PDE3B: variants seen among roughly 807,000 people sequenced by gnomAD.
PDE3B encodes phosphodiesterase 3B, also known as cGMP-inhibited 3',5'-cyclic phosphodiesterase 3B.
A neutral mutation model predicts 116.8 loss-of-function variants in PDE3B; 66 were observed. The ratio of observed to expected loss-of-function variants is 0.56; its 90% CI spans 0.46 to 0.69. The LOEUF (loss-of-function observed/expected upper bound fraction) is 0.69, where lower values mean the gene tolerates loss of function less well. PDE3B is among the 30% of genes least tolerant of loss of function. The pLI is 0.00. For synonymous variants in PDE3B, 595 were observed against 533.6 expected (o/e 1.12, Z -1.59); for missense variants, 1,384 against 1,368.1 (o/e 1.01, Z -0.18).
At chr11:14,823,200 A>T (rs1859577476) in intron 7 of PDE3B, among the ~76,000 whole-genome samples, 1 of 152,158 alleles carries the variant, frequency 6.6e-6, no homozygotes. Context: ...GTCCAAGGTG[A>T]CTAGGTACTG....
chr11:14,722,671 G>C (rs763459428), intron 1 of PDE3B, among the ~76,000 whole-genome samples: 1 of 152,216 alleles, frequency 6.6e-6, no homozygotes, highest in Non-Finnish European at 1.5e-5. Flanking sequence ...AGATTCTGCA[G>C]AGCTAGTTTA....
At chr11:14,838,680 G>T (rs1860136335) in intron 11 of PDE3B, among the ~76,000 whole-genome samples, 1 of 152,156 alleles carries the variant, frequency 6.6e-6, no homozygotes, top group Non-Finnish European at 1.5e-5. Context: ...GATCTTAGGG[G>T]AATAAGTATT....
intron 1 of PDE3B, among the ~76,000 whole-genome samples, chr11:14,685,445 TC>T (rs1854843857): frequency 8.2e-6 from 1 of 122,672 alleles, no homozygotes. Flanking sequence ...ATTTTTCTCA[TC>T]TTTTTTTTTT....
At chr11:14,799,848 G>A (rs1164539954) in intron 4 of PDE3B, among the ~76,000 whole-genome samples, 2 of 150,424 alleles carry the variant, frequency 1.3e-5, no homozygotes, top group Non-Finnish European at 3.0e-5. Flanking sequence ...AGGTGAGATG[G>A]GTCTCCTGAA....
intron 1 of PDE3B, among the ~76,000 whole-genome samples, chr11:14,652,589 C>T (rs1853599809): frequency 6.6e-6 from 1 of 152,074 alleles, no homozygotes; most frequent in South Asian, 2.1e-4. Context: ...TTTAAGTGTA[C>T]AGTTCAGTGG....
At chr11:14,796,177 C>T (rs538680050) in intron 4 of PDE3B, among the ~76,000 whole-genome samples, 7 of 152,208 alleles carry the variant, frequency 4.6e-5, no homozygotes, top group Non-Finnish European at 1.0e-4. Flanking sequence ...TTTCCAGCTT[C>T]ATCCATGTCC....
chr11:14,885,837 TTGA>T, the PDE3B span: 7 of 1,613,526 alleles, frequency 4.3e-6, no homozygotes, highest in Admixed American at 1.2e-4. Flanking sequence ...AAATTTCGCT[TTGA>T]TGAACAAGGC....
intron 1 of PDE3B, among the ~76,000 whole-genome samples, chr11:14,688,306 G>C (rs983252301): frequency 2.6e-5 from 4 of 152,082 alleles, no homozygotes; most frequent in African/African-American, 9.7e-5. Flanking sequence ...GGAATCTTCA[G>C]AACATCAGAG....
intron 1 of PDE3B, among the ~76,000 whole-genome samples, chr11:14,675,891 T>C (rs1448219184): frequency 6.6e-6 from 1 of 152,152 alleles, no homozygotes; most frequent in Non-Finnish European, 1.5e-5. Context: ...TTCATTTCTG[T>C]TGGGTAAATA....
chr11:14,756,993 C>A (rs567598996), intron 1 of PDE3B, among the ~76,000 whole-genome samples: 2 of 143,156 alleles, frequency 1.4e-5, no homozygotes, highest in East Asian at 4.3e-4. Context: ...TGATATTCCC[C>A]TTCCTGTGTC....
chr11:14,798,547 A>G (rs1858633149), intron 4 of PDE3B, among the ~76,000 whole-genome samples: 1 of 152,110 alleles, frequency 6.6e-6, no homozygotes, highest in South Asian at 2.1e-4. Context: ...TTCAGCTGTG[A>G]ATCTGTCTGG....
At chr11:14,725,319 CTTTCTTTCTT>C (rs1253422828) in intron 1 of PDE3B, among the ~76,000 whole-genome samples, 5 of 149,440 alleles carry the variant, frequency 3.3e-5, no homozygotes, top group South Asian at 2.1e-4. Flanking sequence ...CTCTTTCTTT[CTTTCTTTCTT>C]TTTCTTTCTT....
At position 14,778,215 on chromosome 11, in the gene PDE3B, C is replaced by T. The variant is rs548112009; in HGVS notation, c.1029+6228C>T. Among the ~76,000 whole-genome samples, 103 of 152,322 alleles carry T rather than the reference C, an allele frequency of 6.8e-4. 1 individual carries two copies. Among genetic ancestry groups the T allele is most frequent in the African/African-American group, 2.3e-3 (97 of 41,578 alleles). On this transcript the variant is annotated intron_variant, in intron 2 of 15. Transcript: ENST00000282096. ...ACCACAGCTCAAGGAGTCCTGCCGGCCTCTGTAGACTCCACCTCTGGGGGC... is the reference window on the plus strand; with the variant it reads ...ACCACAGCTCAAGGAGTCCTGCCGGTCTCTGTAGACTCCACCTCTGGGGGC...
chr11:14,663,251 C>G (rs1366985660), intron 1 of PDE3B, among the ~76,000 whole-genome samples: 2 of 152,140 alleles, frequency 1.3e-5, no homozygotes, highest in East Asian at 1.9e-4. Flanking sequence ...TACAGACAAG[C>G]AAATGCTGAG....
intron 2 of PDE3B, chr11:14,774,711 A>C (rs1397156672): frequency 6.6e-6 from 1 of 152,230 alleles, no homozygotes; most frequent in Non-Finnish European, 1.5e-5. Flanking sequence ...AATTGTGGCA[A>C]ATAATTTGAA....
rs202088348 is a variant in PDE3B, at chr11:14,867,627, A to C, written c.3008A>C (p.Tyr1003Ser). 1 of 1,614,004 alleles carries C rather than the reference A, an allele frequency of 6.2e-7. No homozygotes were observed. The highest frequency in any genetic ancestry group is 1.3e-5 in the African/African-American group (1 of 74,930). ...ATAGTGGGTCCCCTGTGTAACTCCT[A>C]TGATGCTGCTGGTTTGCTACCAGGT... is the stretch of plus-strand genomic sequence containing the variant. ...THIVGPLCNSYDAAGLLPGQW... is the reference protein window; with the variant it reads ...THIVGPLCNSSDAAGLLPGQW... Residue 1003 changes from tyrosine (Y) to serine (S), a missense_variant, in exon 15 of 16, where the codon TAT becomes TCT. By Grantham distance (144) the Tyr-to-Ser change is moderately radical. Transcript: ENST00000282096.
intron 1 of PDE3B, among the ~76,000 whole-genome samples, chr11:14,662,229 A>G (rs1354977309): frequency 6.6e-6 from 1 of 152,256 alleles, no homozygotes; most frequent in Non-Finnish European, 1.5e-5. Context: ...AAACTCCAAC[A>G]GACCTGCAGC....
chr11:14,786,421 C>G lies in PDE3B; in HGVS notation c.1030-16C>G. 6.2e-7 allele frequency: 1 copy of G among 1,601,856 alleles called. No individual in the cohort carries two copies. The highest frequency in any genetic ancestry group is 8.5e-7 in the Non-Finnish European group (1 of 1,171,322). On this transcript the variant is annotated splice_polypyrimidine_tract_variant and intron_variant, in intron 2 of 15. Coordinates refer to ENST00000282096, the MANE Select transcript of PDE3B (RefSeq NM_000922.4). ...CATGTACAAATGAATGAAAATTTCACTTTTTTTCTTTCTAGAATTCTGGAG... is the reference window on the plus strand; with the variant it reads ...CATGTACAAATGAATGAAAATTTCAGTTTTTTTCTTTCTAGAATTCTGGAG...
chr11:14,668,786 C>T (rs759488724), intron 1 of PDE3B, among the ~76,000 whole-genome samples: 1 of 152,176 alleles, frequency 6.6e-6, no homozygotes, highest in South Asian at 2.1e-4. Context: ...TATCAGCACA[C>T]TGGTCTTGGC....
Sources: allele counts gnomAD v4.1 joint callset (sites outside exome capture counted in the v4.1 genomes callset), GRCh38; gene constraint gnomAD v4.1.1; transcripts MANE v1.5; gene names NCBI Gene and HGNC (gene_info 2026-07-23, HGNC 2026-07-21).